The following LOC400499 variants were observed in gnomAD, a reference collection of about 807,000 sequenced individuals.
chr16:11,393,942 A>G, the LOC400499 span, among the ~76,000 whole-genome samples: 2 of 152,184 alleles, frequency 1.3e-5, no homozygotes, highest in South Asian at 2.1e-4. Context: ...AGCCAGTCTC[A>G]TGACAAATAC....
At chr16:11,393,690 G>T in the LOC400499 span, 1 of 708,310 alleles carries the variant, frequency 1.4e-6, no homozygotes, top group South Asian at 7.6e-5. Flanking sequence ...ACCAAGGGAA[G>T]GCACAATGCC....
At chr16:11,447,872 G>A in the LOC400499 span, 1 of 1,478,326 alleles carries the variant, frequency 6.8e-7, no homozygotes, top group Admixed American at 2.2e-5. Context: ...CCCTGGGGAT[G>A]CTCCGTGCTA....
At chr16:11,479,067 T>C in the LOC400499 span, among the ~76,000 whole-genome samples, 2 of 152,170 alleles carry the variant, frequency 1.3e-5, no homozygotes, top group Admixed American at 6.5e-5. Flanking sequence ...CCCTGGTATA[T>C]CTTCATCAGA....
chr16:11,488,068 G>T, the LOC400499 span, among the ~76,000 whole-genome samples: 1 of 150,206 alleles, frequency 6.7e-6, no homozygotes, highest in Non-Finnish European at 1.5e-5. Flanking sequence ...AGTGAGACAA[G>T]ATTGTGCCAC....
the LOC400499 span, chr16:11,450,928 A>C: frequency 1.8e-3 from 1,693 of 945,250 alleles, no homozygotes; most frequent in Non-Finnish European, 2.3e-3. Context: ...GACAAATCTC[A>C]AAACTGGGAA....
the LOC400499 span, chr16:11,372,092 C>A: frequency 6.6e-6 from 1 of 152,236 alleles, no homozygotes; most frequent in African/African-American, 2.4e-5. Context: ...TAAAACACTT[C>A]CAATGATGTA....
the LOC400499 span, among the ~76,000 whole-genome samples, chr16:11,482,551 C>T: frequency 2.6e-5 from 4 of 152,152 alleles, no homozygotes; most frequent in African/African-American, 7.2e-5. Context: ...CAAAAAGATA[C>T]ACCACAGACT....
chr16:11,391,937 T>TG, the LOC400499 span: 1 of 761,270 alleles, frequency 1.3e-6, no homozygotes, highest in Non-Finnish European at 1.8e-6. Context: ...GCCTGGTGAG[T>TG]GGGGGCTACA....
the LOC400499 span, chr16:11,392,738 G>T: frequency 1.0e-6 from 1 of 981,234 alleles, no homozygotes; most frequent in Non-Finnish European, 1.2e-6. Context: ...GGGGTTTCCT[G>T]AGGTTTTTTT....
chr16:11,472,982 A>C, the LOC400499 span: 5 of 152,096 alleles, frequency 3.3e-5, no homozygotes, highest in Admixed American at 3.3e-4. Context: ...AAAAAAAATT[A>C]GCCAGGCGTG....
At chr16:11,486,410 AGATG>A in the LOC400499 span, among the ~76,000 whole-genome samples, 33,265 of 82,568 alleles carry the variant, frequency 0.4, 7,557 homozygotes, top group Admixed American at 0.52. Flanking sequence ...TTGAGTGAAT[AGATG>A]GATGGATGGA....
At chr16:11,525,894 C>T in the LOC400499 span, among the ~76,000 whole-genome samples, 1 of 152,198 alleles carries the variant, frequency 6.6e-6, no homozygotes, top group East Asian at 1.9e-4. Flanking sequence ...AAACACTGCA[C>T]ACTGGAGGTA....
the LOC400499 span, chr16:11,460,829 A>T: frequency 7.9e-7 from 1 of 1,270,108 alleles, no homozygotes; most frequent in Non-Finnish European, 1.1e-6. Context: ...ATTCAGTCCT[A>T]CTCAGAGCCA....
chr16:11,441,108 A>C, the LOC400499 span: 5 of 398,838 alleles, frequency 1.3e-5, no homozygotes, highest in Non-Finnish European at 2.2e-5. Context: ...GCACTGAGAG[A>C]GGTCTCATCC....
chr16:11,385,327 C>A, the LOC400499 span: 3 of 1,232,290 alleles, frequency 2.4e-6, no homozygotes, highest in South Asian at 1.2e-4. Context: ...AAGTCCTGGG[C>A]CAGGAGGATG....
the LOC400499 span, among the ~76,000 whole-genome samples, chr16:11,445,089 T>A: frequency 4.2e-5 from 6 of 143,568 alleles, no homozygotes; most frequent in Non-Finnish European, 3.0e-5. Context: ...ACTTTGTCTT[T>A]AAAAAAAAAA....
the LOC400499 span, among the ~76,000 whole-genome samples, chr16:11,507,202 C>T: frequency 3.3e-5 from 5 of 152,178 alleles, no homozygotes; most frequent in African/African-American, 1.2e-4. Flanking sequence ...GGCAGTGCAA[C>T]GGTTAGAGCA....
At chr16:11,381,574 CTG>C in the LOC400499 span, among the ~76,000 whole-genome samples, 93 of 152,342 alleles carry the variant, frequency 6.1e-4, 1 homozygote, top group African/African-American at 2.2e-3. Flanking sequence ...TACTCTGCCT[CTG>C]TAGCAGGAAA....
At chr16:11,387,283 C>CA in the LOC400499 span, 75 of 1,232,136 alleles carry the variant, frequency 6.1e-5, no homozygotes, top group Non-Finnish European at 7.3e-5. Flanking sequence ...GCATCACCAC[C>CA]ACTGAGCGGT....
Sources: allele counts gnomAD v4.1 joint callset (sites outside exome capture counted in the v4.1 genomes callset), GRCh38; gene constraint gnomAD v4.1.1; transcripts MANE v1.5.